Variants in EXOC4 observed in about 807,000 individuals in gnomAD.
EXOC4 encodes the protein exocyst complex component 4, also known as SEC8-like 1.
A neutral mutation model predicts 107.2 loss-of-function variants in EXOC4; 71 were observed. That is an observed-to-expected ratio of 0.66 (90% CI 0.55 to 0.81). EXOC4 has a LOEUF of 0.81. Among genes scored for constraint, EXOC4 ranks in the 30% least tolerant of loss-of-function variants. EXOC4 has a pLI of 0.00. For missense variants in EXOC4, 1,108 were observed against 1,189.6 expected, an observed-to-expected ratio of 0.93 and a Z score of 1.01; for synonymous variants, 456 against 441.2, an observed-to-expected ratio of 1.03 and a Z score of -0.42.
At chr7:134,059,061 C>G (rs994991367) in intron 17 of EXOC4, among the ~76,000 whole-genome samples, 12 of 152,100 alleles carry the variant, frequency 7.9e-5, no homozygotes, top group African/African-American at 2.9e-4. Flanking sequence ...CTGAATTCTA[C>G]CAAGTAAAGG....
intron 8 of EXOC4, chr7:133,479,591 C>T (rs1165235107): frequency 6.1e-6 from 1 of 164,246 alleles, no homozygotes; most frequent in Non-Finnish European, 1.3e-5. Flanking sequence ...TTTGTCTAGT[C>T]CTCTACCTGT....
At chr7:134,045,965 G>T (rs1174090432) in intron 17 of EXOC4, among the ~76,000 whole-genome samples, 1 of 152,136 alleles carries the variant, frequency 6.6e-6, no homozygotes, top group African/African-American at 2.4e-5. Flanking sequence ...GTATGAGACA[G>T]TTAAAAATAT....
chr7:133,585,385 T>C (rs184614552), intron 9 of EXOC4, among the ~76,000 whole-genome samples: 6 of 152,350 alleles, frequency 3.9e-5, no homozygotes, highest in African/African-American at 1.4e-4. Flanking sequence ...GCACTCTCAT[T>C]CATGTATTTA....
At chr7:133,338,241 C>G (rs1795566131) in intron 5 of EXOC4, among the ~76,000 whole-genome samples, 1 of 152,012 alleles carries the variant, frequency 6.6e-6, no homozygotes, top group Non-Finnish European at 1.5e-5. Context: ...TTCATCACTG[C>G]TTTGAATATA....
intron 6 of EXOC4, among the ~76,000 whole-genome samples, chr7:133,370,134 C>A (rs1346985988): frequency 2.4e-5 from 3 of 127,446 alleles, no homozygotes; most frequent in Non-Finnish European, 5.0e-5. Flanking sequence ...CTCTCCCCCC[C>A]GCCCACCCTC....
chr7:133,296,189 G>A (rs903954727), intron 3 of EXOC4, among the ~76,000 whole-genome samples: 1 of 152,168 alleles, frequency 6.6e-6, no homozygotes, highest in Non-Finnish European at 1.5e-5. Context: ...TAATGCCATT[G>A]TTGATAACTT....
intron 14 of EXOC4, among the ~76,000 whole-genome samples, chr7:133,951,093 A>G (rs10271889): frequency 0.3 from 45,724 of 152,132 alleles, 7,286 homozygotes; most frequent in Non-Finnish European, 0.34. Context: ...ACCAGCGGCC[A>G]GAAACTCCTC....
chr7:133,375,499 CT>C (rs1006790036), intron 7 of EXOC4, among the ~76,000 whole-genome samples: 23 of 147,344 alleles, frequency 1.6e-4, no homozygotes, highest in Admixed American at 2.0e-4. Flanking sequence ...TAACAGACTT[CT>C]TTTTTTTTTG....
chr7:134,012,666 C>T (rs1794798682), intron 17 of EXOC4, among the ~76,000 whole-genome samples: 1 of 152,048 alleles, frequency 6.6e-6, no homozygotes, highest in Non-Finnish European at 1.5e-5. Context: ...GTTTTGGAGT[C>T]ATCAGCATAT....
intron 5 of EXOC4, among the ~76,000 whole-genome samples, chr7:133,343,000 CCTT>C (rs1795700266): frequency 6.6e-6 from 1 of 152,034 alleles, no homozygotes; most frequent in South Asian, 2.1e-4. Flanking sequence ...TAATAATTGA[CCTT>C]CTGAATTCTT....
At chr7:133,734,481 T>C (rs1795397723) in intron 10 of EXOC4, among the ~76,000 whole-genome samples, 1 of 151,908 alleles carries the variant, frequency 6.6e-6, no homozygotes, top group African/African-American at 2.4e-5. Context: ...TTTAGATCTC[T>C]AATTGTTTCT....
intron 7 of EXOC4, among the ~76,000 whole-genome samples, chr7:133,404,266 AT>A (rs932382516): frequency 1.0e-3 from 154 of 148,956 alleles, no homozygotes; most frequent in Non-Finnish European, 1.8e-3. Flanking sequence ...CGCCCGGCTA[AT>A]TTTTTTTTTG....
intron 10 of EXOC4, among the ~76,000 whole-genome samples, chr7:133,742,873 T>G (rs997072599): frequency 6.6e-6 from 1 of 152,102 alleles, no homozygotes; most frequent in African/African-American, 2.4e-5. Context: ...AACATATTAT[T>G]TTAACATCAA....
chr7:133,809,938 TG>T (rs1332847194), intron 10 of EXOC4, among the ~76,000 whole-genome samples: 2 of 152,220 alleles, frequency 1.3e-5, no homozygotes, highest in Non-Finnish European at 2.9e-5. Context: ...TTTGGTTTCA[TG>T]AAAAATGAAT....
intron 12 of EXOC4, among the ~76,000 whole-genome samples, chr7:133,910,850 C>T (rs893900370): frequency 3.9e-5 from 6 of 152,186 alleles, no homozygotes; most frequent in Non-Finnish European, 7.3e-5. Context: ...CATGCCCTGG[C>T]TGTCACCAAA....
chr7:133,847,341 A>G (rs1304248107), intron 11 of EXOC4, among the ~76,000 whole-genome samples: 2 of 151,658 alleles, frequency 1.3e-5, no homozygotes, highest in Admixed American at 1.3e-4. Context: ...CAATTTTTCT[A>G]GAGGGGGAGA....
intron 10 of EXOC4, among the ~76,000 whole-genome samples, chr7:133,718,101 C>G (rs1795034751): frequency 6.6e-6 from 1 of 152,198 alleles, no homozygotes; most frequent in Non-Finnish European, 1.5e-5. Flanking sequence ...CACTGATTGC[C>G]CGCCTCACCC....
intron 12 of EXOC4, among the ~76,000 whole-genome samples, chr7:133,909,025 C>T (rs750797102): frequency 6.6e-6 from 1 of 152,122 alleles, no homozygotes; most frequent in Non-Finnish European, 1.5e-5. Flanking sequence ...GTGTCATGTT[C>T]CCCTCCATGT....
intron 9 of EXOC4, among the ~76,000 whole-genome samples, chr7:133,502,709 A>C (rs1167362825): frequency 1.3e-5 from 2 of 152,194 alleles, no homozygotes; most frequent in Non-Finnish European, 2.9e-5. Flanking sequence ...GCTGTAAAAC[A>C]AAGTGTATTC....
Sources: allele counts gnomAD v4.1 joint callset (sites outside exome capture counted in the v4.1 genomes callset), GRCh38; gene constraint gnomAD v4.1.1; transcripts MANE v1.5; gene names NCBI Gene and HGNC (gene_info 2026-07-23, HGNC 2026-07-21).